The following CPEB4 variants were observed in gnomAD, a reference collection of about 807,000 sequenced individuals.
CPEB4 encodes the protein cytoplasmic polyadenylation element-binding protein 4.
CPEB4 carries 12 observed loss-of-function variants against 72.5 expected under a neutral mutation model. That is an observed-to-expected ratio of 0.17 (90% CI 0.11 to 0.27). The LOEUF is 0.27. CPEB4 is among the 10% of genes least tolerant of loss of function. CPEB4 has a pLI of 1.00. For missense variants in CPEB4, 614 were observed against 908.5 expected (o/e 0.68, Z 4.17); for synonymous variants, 302 against 326.3 (o/e 0.93, Z 0.80).
intron 1 of CPEB4, among the ~76,000 whole-genome samples, chr5:173,905,928 A>G (rs1756420341): frequency 1.3e-5 from 2 of 152,218 alleles, no homozygotes; most frequent in East Asian, 1.9e-4. Context: ...ATAAAGGACG[A>G]AAGTGCCCAA....
At chr5:173,947,102 T>C (rs936132632) in intron 5 of CPEB4, among the ~76,000 whole-genome samples, 7 of 152,182 alleles carry the variant, frequency 4.6e-5, no homozygotes, top group African/African-American at 1.7e-4. Flanking sequence ...ACTCCTCATC[T>C]TTCTTTTCTG....
chr5:173,945,045 G>A lies in CPEB4; in HGVS notation c.1361G>A (p.Gly454Asp), dbSNP rs771907134. 1.2e-6 allele frequency: 2 copies of A among 1,614,028 alleles called. No homozygotes were observed. Among genetic ancestry groups the A allele is most frequent in the Non-Finnish European group, 1.7e-6 (2 of 1,179,944 alleles). The change falls in exon 5 of 10, where the codon GGT becomes GAT. Residue 454 changes from glycine to aspartate, a missense_variant. This residue lies in a region of CPEB4 where 458 missense variants were observed against 548.6 expected (regional missense o/e 0.83). Coordinates refer to ENST00000265085, the MANE Select transcript of CPEB4 (RefSeq NM_030627.4). Reference sequence around the variant, plus strand: ...GATCAGCCTCTTCATAGTGGCCTGGGTTCACCTCACTGCTTCAGTCACCAG... The same window carrying A: ...GATCAGCCTCTTCATAGTGGCCTGGATTCACCTCACTGCTTCAGTCACCAG... ...RGDQPLHSGLGSPHCFSHQNG... is the reference protein window; with the variant it reads ...RGDQPLHSGLDSPHCFSHQNG...
At chr5:173,899,590 G>A (rs1756150455) in intron 1 of CPEB4, among the ~76,000 whole-genome samples, 1 of 152,138 alleles carries the variant, frequency 6.6e-6, no homozygotes, top group African/African-American at 2.4e-5. Context: ...AATTTGGGAG[G>A]AGAGTATACC....
chr5:173,923,068 A>G (rs752842183), intron 2 of CPEB4, among the ~76,000 whole-genome samples: 2 of 152,224 alleles, frequency 1.3e-5, no homozygotes, highest in African/African-American at 2.4e-5. Flanking sequence ...AGAAATAACA[A>G]AAGGTGAAAT....
chr5:173,892,229 A>G (rs1361027908), intron 1 of CPEB4, among the ~76,000 whole-genome samples: 1 of 151,142 alleles, frequency 6.6e-6, no homozygotes, highest in Non-Finnish European at 1.5e-5. Context: ...GGTGCAGTGC[A>G]TCTTAAAATA....
chr5:173,934,784 T>A (rs1188236484), intron 3 of CPEB4, among the ~76,000 whole-genome samples: 2 of 152,150 alleles, frequency 1.3e-5, no homozygotes, highest in African/African-American at 4.8e-5. Context: ...GTCGTGAAAT[T>A]AAAACTAGGT....
At chr5:173,915,495 C>T (rs968686164) in intron 2 of CPEB4, among the ~76,000 whole-genome samples, 1 of 152,138 alleles carries the variant, frequency 6.6e-6, no homozygotes, top group Non-Finnish European at 1.5e-5. Context: ...TTCTCCATAA[C>T]CAACACCAGT....
rs1287569617 is a variant in CPEB4 at position 173,900,242 on chromosome 5, CT to C, written c.1125+9385del. On this transcript the variant is annotated intron_variant, in intron 1 of 9. Coordinates refer to ENST00000265085, the MANE Select transcript of CPEB4 (RefSeq NM_030627.4). The surrounding 1 kb of genome is among the most constrained non-coding windows in gnomAD (Gnocchi z 4.4). ...CCAATATGGAGAAACCCCATCTCTACTAAAAATACAAAATTAGCCTGGTGTG... is the reference window on the plus strand; with the variant it reads ...CCAATATGGAGAAACCCCATCTCTACAAAAATACAAAATTAGCCTGGTGTG... Among the ~76,000 whole-genome samples, 1 of 151,938 alleles carries C rather than the reference CT, an allele frequency of 6.6e-6. No individual in the cohort carries two copies. The highest frequency in any genetic ancestry group is 1.5e-5 in the Non-Finnish European group (1 of 67,968).
intron 3 of CPEB4, among the ~76,000 whole-genome samples, chr5:173,937,022 T>C (rs867308961): frequency 0.18 from 13,412 of 75,838 alleles, 709 homozygotes; most frequent in Middle Eastern, 0.31. Context: ...TTCTTTCCTT[T>C]TTTTTTTTTT....
At chr5:173,890,904 C>A (rs1423502174) in intron 1 of CPEB4, 46 bp downstream of exon 1, 3 of 1,540,546 alleles carry the variant, frequency 1.9e-6, no homozygotes, top group Admixed American at 1.8e-5. Context: ...AAGGAAATAG[C>A]ATGGTGTAAT....
At chr5:173,945,407 G>A (rs1016338466) in intron 5 of CPEB4, among the ~76,000 whole-genome samples, 1 of 152,222 alleles carries the variant, frequency 6.6e-6, no homozygotes, top group Non-Finnish European at 1.5e-5. Context: ...CTTGATTATT[G>A]TGGGCATACA....
At position 173,888,701 on chromosome 5, in the gene CPEB4, T is replaced by G. The variant is rs1755696128; in HGVS notation, c.-1033T>G. ...GGTTTTTCCTTTTTTTCCTCTTTTTTCCCTCTCTGCGGAGAATCGAACTGA... is the reference window on the plus strand; with the variant it reads ...GGTTTTTCCTTTTTTTCCTCTTTTTGCCCTCTCTGCGGAGAATCGAACTGA... On this transcript the variant is annotated 5_prime_UTR_variant, in exon 1 of 10. Transcript: ENST00000265085. The surrounding 1 kb of genome is among the most constrained non-coding windows in gnomAD (Gnocchi z 4.3). The G allele has an allele frequency of 5.1e-6, 2 of 394,630 alleles. No individual in the cohort carries two copies. The highest frequency in any genetic ancestry group is 4.5e-6 in the Non-Finnish European group (1 of 223,574). 24.4% of individuals were successfully genotyped at this position (394,630 alleles called of 1,614,324 possible).
At chr5:173,929,148 A>G (rs923553939) in intron 2 of CPEB4, among the ~76,000 whole-genome samples, 1 of 152,174 alleles carries the variant, frequency 6.6e-6, no homozygotes, top group Non-Finnish European at 1.5e-5. Flanking sequence ...GGGTAGAATG[A>G]CTGTAACTTA....
At chr5:173,926,006 G>T (rs1757230102) in intron 2 of CPEB4, among the ~76,000 whole-genome samples, 1 of 152,094 alleles carries the variant, frequency 6.6e-6, no homozygotes, top group African/African-American at 2.4e-5. Flanking sequence ...TATGCTACTT[G>T]TCACTTTAGA....
chr5:173,907,639 A>G (rs1756490647), intron 1 of CPEB4, among the ~76,000 whole-genome samples: 1 of 152,250 alleles, frequency 6.6e-6, no homozygotes, highest in Non-Finnish European at 1.5e-5. Flanking sequence ...AAATTACATG[A>G]AGGAATACAT....
chr5:173,949,849 T>C (rs1218085996), intron 6 of CPEB4, 111 bp from the exon 7 acceptor site: 2 of 827,214 alleles, frequency 2.4e-6, no homozygotes. Flanking sequence ...ATTGTTTTAA[T>C]TTTTTTCCTA....
Position 173,950,147 on chromosome 5 carries a change from C to A in CPEB4, c.1665+69C>A. 2 of 905,138 alleles carry A rather than the reference C, an allele frequency of 2.2e-6. No homozygotes were observed. The highest frequency in any genetic ancestry group is 3.5e-6 in the Non-Finnish European group (2 of 573,300). 56.1% of individuals were successfully genotyped at this position (905,138 alleles called of 1,614,324 possible). ...ATTCATCTGTTATATTTGAAAAACC[C>A]ATAGACAACTTGATGTGTTTGGGGT... On this transcript the variant is annotated intron_variant, in intron 7 of 9. Transcript: ENST00000265085. The surrounding 1 kb of genome is among the most constrained non-coding windows in gnomAD (Gnocchi z 5.0).
rs1332003508 is a variant in CPEB4, at chr5:173,901,140, G to A, written c.1126-9383G>A. Among the ~76,000 whole-genome samples, 3 of 152,150 alleles carry A rather than the reference G, an allele frequency of 2.0e-5. No individual in the cohort carries two copies. In the East Asian group the frequency reaches 5.8e-4, roughly 29 times the overall value. On this transcript the variant is annotated intron_variant, in intron 1 of 9. Transcript: ENST00000265085. ...ATACAAATAAGTGATGACAAGAAATGTTTATCATTTTAAGGATTTATAATG... is the reference window on the plus strand; with the variant it reads ...ATACAAATAAGTGATGACAAGAAATATTTATCATTTTAAGGATTTATAATG...
rs374721797 is a variant in CPEB4 at position 173,932,722 on chromosome 5, A to G, written c.1258+222A>G. Among the ~76,000 whole-genome samples, 79 of 152,338 alleles carry G rather than the reference A, an allele frequency of 5.2e-4. 1 individual carries two copies. Among genetic ancestry groups the G allele is most frequent in the Middle Eastern group, 6.8e-3 (2 of 294 alleles). ...ATTCCCTGTCCTGAACTTGGTGACA[A>G]TGAGAATGAAAATCCCATAATGATA... is the stretch of plus-strand genomic sequence containing the variant. On this transcript the variant is annotated intron_variant, in intron 3 of 9. Transcript: ENST00000265085.
Sources: allele counts gnomAD v4.1 joint callset (sites outside exome capture counted in the v4.1 genomes callset), GRCh38; gene constraint gnomAD v4.1.1; regional missense constraint gnomAD v4.1.1; non-coding constraint Gnocchi (gnomAD v3.1); transcripts MANE v1.5; gene names NCBI Gene and HGNC (gene_info 2026-07-23, HGNC 2026-07-21).